The following MBTPS1 variants were observed in gnomAD, a reference collection of about 807,000 sequenced individuals.
The protein encoded by MBTPS1 is membrane-bound transcription factor site-1 protease.
In MBTPS1, 94 loss-of-function variants were observed where a neutral mutation model predicts 127.8. The ratio of observed to expected loss-of-function variants is 0.74; its 90% confidence interval spans 0.62 to 0.87. The LOEUF (loss-of-function observed/expected upper bound fraction) is 0.87, where lower values mean the gene tolerates loss of function less well. Among genes scored for constraint, MBTPS1 ranks in the 40% least tolerant of loss-of-function variants. The pLI is 0.00. For missense variants in MBTPS1, 1,636 were observed against 1,353.2 expected (o/e 1.21, Z -3.28); for synonymous variants, 632 against 509.4 (o/e 1.24, Z -3.24).
rs1400850822 is a variant in MBTPS1, at chr16:84,101,999, T to C, written c.-216A>G. The stretch of plus-strand genomic sequence containing the variant: ...TTCTTTCTCCGCTTCTTCTCCATCT[T>C]GGAAATAAGGCTTCTCTCACTCAGG... On this transcript the variant is annotated 5_prime_UTR_variant, in exon 2 of 23. Coordinates refer to ENST00000343411, the MANE Select transcript of MBTPS1 (RefSeq NM_003791.4). 2 of 529,704 alleles carry C rather than the reference T, an allele frequency of 3.8e-6. No individual in the cohort carries two copies. Among genetic ancestry groups the C allele is most frequent in the South Asian group, 2.4e-5 (1 of 41,696 alleles). The allele number at this position is 529,704 out of a possible 1,614,324, so 32.8% of individuals were successfully genotyped here.
At chr16:84,077,236 A>G (rs1003694069) in intron 11 of MBTPS1, among the ~76,000 whole-genome samples, 1 of 126,286 alleles carries the variant, frequency 7.9e-6, no homozygotes, top group Non-Finnish European at 1.7e-5. Flanking sequence ...TTAAAAAAGA[A>G]AAAAAAAAAA....
intron 9 of MBTPS1, among the ~76,000 whole-genome samples, chr16:84,085,410 A>C (rs1481370371): frequency 6.6e-6 from 1 of 152,058 alleles, no homozygotes; most frequent in African/African-American, 2.4e-5. Flanking sequence ...TCCACAAAAA[A>C]TACAAAAATT....
chr16:84,103,087 C>A (rs2086279213), intron 1 of MBTPS1, among the ~76,000 whole-genome samples: 1 of 152,088 alleles, frequency 6.6e-6, no homozygotes, highest in South Asian at 2.1e-4. Context: ...AACTGCCATT[C>A]TTCACAATGA....
chr16:84,059,692 C>G (rs2085577314), intron 20 of MBTPS1: 1 of 251,922 alleles, frequency 4.0e-6, no homozygotes. Flanking sequence ...ACAGCACTGG[C>G]TGGTCAAACT....
chr16:84,064,493 A>G (rs972291580), intron 18 of MBTPS1, among the ~76,000 whole-genome samples: 3 of 152,226 alleles, frequency 2.0e-5, no homozygotes, highest in Admixed American at 6.5e-5. Flanking sequence ...CTTTATGGGA[A>G]TAAAATGCCC....
chr16:84,095,391 G>A (rs1431193578), intron 4 of MBTPS1, among the ~76,000 whole-genome samples: 3 of 152,232 alleles, frequency 2.0e-5, no homozygotes, highest in Admixed American at 6.5e-5. Context: ...AGAAACAGAT[G>A]CCTGGCATCA....
At chr16:84,067,596 C>T in intron 16 of MBTPS1, 71 bp downstream of exon 16, 1 of 1,222,180 alleles carries the variant, frequency 8.2e-7, no homozygotes, top group Non-Finnish European at 1.2e-6. Context: ...CAAATCATCA[C>T]TTAAGTATTT....
At chr16:84,108,714 G>C (rs937485644) in intron 1 of MBTPS1, among the ~76,000 whole-genome samples, 3 of 152,244 alleles carry the variant, frequency 2.0e-5, no homozygotes, top group Non-Finnish European at 2.9e-5. Flanking sequence ...AGTGAGGAAG[G>C]TATGTGAAGG....
chr16:84,091,630 C>A, intron 7 of MBTPS1, 102 bp downstream of exon 7: 1 of 773,694 alleles, frequency 1.3e-6, no homozygotes, highest in Non-Finnish European at 2.3e-6. Flanking sequence ...AAGCTGTCAC[C>A]ACCTGGATGA....
chr16:84,090,990 T>C (rs772260203), intron 7 of MBTPS1, 48 bp from the exon 8 acceptor site: 2 of 1,078,116 alleles, frequency 1.9e-6, no homozygotes, highest in Middle Eastern at 2.3e-4. Flanking sequence ...TCATTAAACA[T>C]ATAACTGTCA....
At chr16:84,105,872 G>A (rs560896546) in intron 1 of MBTPS1, among the ~76,000 whole-genome samples, 1 of 152,196 alleles carries the variant, frequency 6.6e-6, no homozygotes, top group Non-Finnish European at 1.5e-5. Context: ...AGTAGGGATA[G>A]AGTAATGAAC....
intron 8 of MBTPS1, 75 bp from the exon 9 acceptor site, chr16:84,087,535 T>A: frequency 1.0e-6 from 1 of 984,648 alleles, no homozygotes; most frequent in Non-Finnish European, 1.5e-6. Context: ...AATGGATGAT[T>A]CAAACCAGGG....
chr16:84,073,938 G>A (rs112165711), intron 12 of MBTPS1, among the ~76,000 whole-genome samples: 1 of 152,172 alleles, frequency 6.6e-6, no homozygotes, highest in Non-Finnish European at 1.5e-5. Context: ...CCTGGGAGGC[G>A]GAGGTTGCAG....
At chr16:84,071,777 G>A (rs533786424) in intron 12 of MBTPS1, 3 of 152,240 alleles carry the variant, frequency 2.0e-5, no homozygotes, top group African/African-American at 2.4e-5. Context: ...ACCACAGTAA[G>A]TAATATTAAA....
chr16:84,055,569 G>T (rs1050271142), intron 22 of MBTPS1, among the ~76,000 whole-genome samples: 4 of 152,186 alleles, frequency 2.6e-5, no homozygotes, highest in African/African-American at 4.8e-5. Context: ...TCCCTCCCAG[G>T]GGGGCAGGGC....
intron 9 of MBTPS1, 72 bp downstream of exon 9, chr16:84,087,286 G>A (rs747667615): frequency 3.0e-5 from 36 of 1,203,220 alleles, no homozygotes; most frequent in Non-Finnish European, 3.7e-5. Flanking sequence ...CCCAAGGCTC[G>A]TCAACAACCG....
chr16:84,109,520 G>A (rs562809660), intron 1 of MBTPS1: 2 of 152,326 alleles, frequency 1.3e-5, no homozygotes, highest in East Asian at 1.9e-4. Flanking sequence ...CCAGGTCTAC[G>A]AGAGCAGATG....
At chr16:84,095,500 C>A in intron 4 of MBTPS1, 102 bp downstream of exon 4, 6 of 1,300,010 alleles carry the variant, frequency 4.6e-6, no homozygotes, top group Non-Finnish European at 6.5e-6. Context: ...TAGGCAGTCC[C>A]GAACATGGAA....
intron 3 of MBTPS1, among the ~76,000 whole-genome samples, chr16:84,097,759 G>T (rs1049453376): frequency 6.6e-6 from 1 of 152,034 alleles, no homozygotes; most frequent in Admixed American, 6.6e-5. Context: ...ATAACATCTG[G>T]AGTAGCAGAA....
Sources: gnomAD v4.1 joint callset for allele counts (sites outside exome capture counted in the v4.1 genomes callset) on GRCh38, gnomAD v4.1.1 for gene constraint, MANE v1.5 for transcripts, NCBI Gene and HGNC (gene_info 2026-07-23, HGNC 2026-07-21) for gene names.